Variants in CCDC39 observed in about 807,000 individuals in gnomAD.
CCDC39 encodes coiled-coil domain-containing protein 39.
In CCDC39, 113 loss-of-function variants were observed where a neutral mutation model predicts 121.0. The observed-to-expected ratio is 0.93, with a 90% CI of 0.80 to 1.09. CCDC39 has a LOEUF of 1.09. CCDC39 is among the 50% of genes least tolerant of loss of function. CCDC39 has a pLI of 0.00. For missense variants in CCDC39, 1,063 were observed against 1,074.7 expected (o/e 0.99, Z 0.15); for synonymous variants, 349 against 352.2 (o/e 0.99, Z 0.10).
chr3:180,673,725 G>T (rs1712112496), intron 1 of CCDC39, among the ~76,000 whole-genome samples: 1 of 152,072 alleles, frequency 6.6e-6, no homozygotes, highest in South Asian at 2.1e-4. Context: ...CTCAGCAGAG[G>T]AATAAAGAGA....
intron 1 of CCDC39, among the ~76,000 whole-genome samples, chr3:180,670,105 C>T (rs1279721948): frequency 6.6e-6 from 1 of 152,028 alleles, no homozygotes; most frequent in Non-Finnish European, 1.5e-5. Flanking sequence ...ACATTAAAAA[C>T]ATGTTCTAAT....
chr3:180,657,899 CT>C (rs1711623333), intron 6 of CCDC39, among the ~76,000 whole-genome samples: 1 of 152,142 alleles, frequency 6.6e-6, no homozygotes, highest in South Asian at 2.1e-4. Context: ...CAGCTTCTTC[CT>C]TGTAAGTCAA....
intron 1 of CCDC39, among the ~76,000 whole-genome samples, chr3:180,674,321 T>C (rs1712131625): frequency 6.6e-6 from 1 of 152,188 alleles, no homozygotes; most frequent in South Asian, 2.1e-4. Flanking sequence ...TTTTTGCACA[T>C]TGATTTTGTA....
intron 19 of CCDC39, among the ~76,000 whole-genome samples, chr3:180,615,929 C>G (rs1453328166): frequency 6.6e-6 from 1 of 152,088 alleles, no homozygotes; most frequent in Non-Finnish European, 1.5e-5. Context: ...TCTAAGCTGC[C>G]CTTACATGTT....
intron 14 of CCDC39, among the ~76,000 whole-genome samples, chr3:180,630,156 T>C (rs1717661977): frequency 6.6e-6 from 1 of 152,126 alleles, no homozygotes; most frequent in South Asian, 2.1e-4. Context: ...ACCAGTACTT[T>C]TAGGTAACCC....
At chr3:180,648,736 C>G (rs1405954197) in intron 9 of CCDC39, among the ~76,000 whole-genome samples, 1 of 152,146 alleles carries the variant, frequency 6.6e-6, no homozygotes, top group Non-Finnish European at 1.5e-5. Flanking sequence ...GAAATCACAC[C>G]ACCCAATCTC....
In CCDC39 at chr3:180,652,227, C is replaced by A; in HGVS notation, c.970G>T (p.Asp324Tyr). The change falls in exon 8 of 20, where the codon GAT (aspartate) becomes TAT (tyrosine). Residue 324 changes from aspartate to tyrosine, a missense_variant. Physicochemically the swap from Asp to Tyr is radical, Grantham distance 160 (BLOSUM62 -3). Transcript: ENST00000476379. ...ATATTTTTCCTCAGAGCTTCTAAAT[C>A]ACTGGAAGTTCTATTCACAGTGGCT... ...LKATVNRTSS[D>Y]LEALRKNISK... The A allele has an allele frequency of 6.5e-7, 1 of 1,536,960 alleles. No homozygotes were observed. The highest frequency in any genetic ancestry group is 8.8e-7 in the Non-Finnish European group (1 of 1,141,916).
chr3:180,633,864 A>G (rs1306146677), intron 13 of CCDC39, among the ~76,000 whole-genome samples: 7 of 152,154 alleles, frequency 4.6e-5, no homozygotes, highest in Non-Finnish European at 1.0e-4. Context: ...CCAGCCCGTG[A>G]CCACAGAACA....
intron 1 of CCDC39, among the ~76,000 whole-genome samples, chr3:180,673,879 T>C (rs951066354): frequency 1.3e-5 from 2 of 151,082 alleles, no homozygotes; most frequent in Non-Finnish European, 2.9e-5. Flanking sequence ...TTAAGATGTA[T>C]AAACTTAAAG....
chr3:180,659,927 A>G (rs1711701815), intron 4 of CCDC39, among the ~76,000 whole-genome samples, 158 bp from the exon 5 acceptor site: 1 of 152,108 alleles, frequency 6.6e-6, no homozygotes, highest in Admixed American at 6.5e-5. Context: ...TTTAACCCCA[A>G]AAAGCTAATC....
chr3:180,623,292 G>A (rs1717476586), intron 14 of CCDC39, among the ~76,000 whole-genome samples: 1 of 151,576 alleles, frequency 6.6e-6, no homozygotes, highest in Admixed American at 6.6e-5. Context: ...TCATATTTCT[G>A]TAGTTCAGTT....
chr3:180,619,706 A>G (rs1717378080), intron 15 of CCDC39, 105 bp downstream of exon 15: 3 of 706,178 alleles, frequency 4.2e-6, no homozygotes, highest in South Asian at 2.5e-5. Flanking sequence ...TTCTGACCCA[A>G]TCTAACATAG....
rs1286216009 is a variant in CCDC39, at chr3:180,614,301, G to GTCA, written c.*617_*619dup. The stretch of plus-strand genomic sequence containing the variant: ...AAGGTCAGAAGTGATTTATTTCAAG[G>GTCA]TCAGAAGTGATTTTTCTAAATTTAT... On this transcript the variant is annotated 3_prime_UTR_variant, in exon 20 of 20. Coordinates refer to ENST00000476379, the MANE Select transcript of CCDC39 (RefSeq NM_181426.2). 7.0e-6 allele frequency: 1 copy of GTCA among 142,972 alleles called. No homozygotes were observed. Among genetic ancestry groups the GTCA allele is most frequent in the African/African-American group, 2.6e-5 (1 of 38,228 alleles). The allele number at this position is 142,972 out of a possible 1,614,324, so 8.9% of individuals were successfully genotyped here. A position where few individuals can be genotyped will look rare whatever the true frequency, so the allele number is the denominator to read the frequency against.
chr3:180,675,122 G>A (rs1438684289), intron 1 of CCDC39, among the ~76,000 whole-genome samples: 2 of 151,948 alleles, frequency 1.3e-5, no homozygotes, highest in Non-Finnish European at 2.9e-5. Context: ...GACTTTTTTT[G>A]GTTGGTAAGC....
chr3:180,622,102 G>A (rs1717444391), intron 14 of CCDC39, among the ~76,000 whole-genome samples: 1 of 152,044 alleles, frequency 6.6e-6, no homozygotes, highest in Non-Finnish European at 1.5e-5. Flanking sequence ...TTTCATCAGT[G>A]TTTTGTAGTT....
chr3:180,666,276 T>C (rs961546233), intron 1 of CCDC39, among the ~76,000 whole-genome samples: 3 of 152,336 alleles, frequency 2.0e-5, no homozygotes, highest in African/African-American at 7.2e-5. Flanking sequence ...AGTTTCGTCA[T>C]TGACTTTTAA....
rs1386067351 is a variant in CCDC39, at chr3:180,642,100, T to C, written c.1767A>G (p.Lys589=). 6.2e-7 allele frequency: 1 copy of C among 1,613,176 alleles called. No individual in the cohort carries two copies. Among genetic ancestry groups the C allele is most frequent in the South Asian group, 1.1e-5 (1 of 91,026 alleles). The change falls in exon 13 of 20, where the codon AAA becomes AAG. Residue 589 remains lysine (K), a synonymous_variant. Coordinates refer to ENST00000476379, the MANE Select transcript of CCDC39 (RefSeq NM_181426.2). ...CTTCCATTGCTGTGTATAATTGCTGTTTTCTTTTTTCTAGGGAAAGAACTT... is the reference window on the plus strand; with the variant it reads ...CTTCCATTGCTGTGTATAATTGCTGCTTTCTTTTTTCTAGGGAAAGAACTT... ...AEEVLSLEKR[K]QQLYTAMEER...
intron 1 of CCDC39, among the ~76,000 whole-genome samples, chr3:180,665,813 A>C (rs1711858990): frequency 1.3e-5 from 2 of 151,716 alleles, no homozygotes. Flanking sequence ...TAAGTATTTA[A>C]TACGGAGGAT....
intron 13 of CCDC39, among the ~76,000 whole-genome samples, chr3:180,636,930 C>G (rs1018453915): frequency 6.6e-6 from 1 of 152,062 alleles, no homozygotes; most frequent in Non-Finnish European, 1.5e-5. Context: ...AAAATCAACT[C>G]AAGATGGATT....
Sources: gnomAD v4.1 joint callset for allele counts (sites outside exome capture counted in the v4.1 genomes callset) on GRCh38, gnomAD v4.1.1 for gene constraint, MANE v1.5 for transcripts, NCBI Gene and HGNC (gene_info 2026-07-23, HGNC 2026-07-21) for gene names.